ENG: variants seen among roughly 807,000 people sequenced by gnomAD.
The protein encoded by ENG is endoglin.
Under a neutral mutation model 71.0 loss-of-function variants are expected in ENG, and 17 were observed. The ratio of observed to expected loss-of-function variants is 0.24; its 90% confidence interval spans 0.16 to 0.36. The LOEUF (loss-of-function observed/expected upper bound fraction) is 0.36. Among genes scored for constraint, ENG ranks in the 10% least tolerant of loss-of-function variants. The probability of loss-of-function intolerance (pLI) is 1.00; values close to 1 mark genes in which losing one functional copy is unlikely to be tolerated. For synonymous variants in ENG, 360 were observed against 366.9 expected (o/e 0.98, Z 0.21); for missense variants, 749 against 868.3 (o/e 0.86, Z 1.73).
intron 6 of ENG, 47 bp from the exon 7 acceptor site, chr9:127,825,021 G>T (rs1221926135): frequency 1.2e-6 from 2 of 1,601,436 alleles, no homozygotes; most frequent in South Asian, 1.1e-5. Context: ...GACACAGTCT[G>T]TGCCACAGCA....
chr9:127,848,162 C>A (rs1831214875), intron 1 of ENG, among the ~76,000 whole-genome samples: 1 of 152,170 alleles, frequency 6.6e-6, no homozygotes, highest in African/African-American at 2.4e-5. Context: ...GAACTGGTGA[C>A]TACTATCACA....
Position 127,838,442 on chromosome 9 carries a change from T to C in ENG, c.219+4652A>G, listed in dbSNP as rs1830954018. 3.3e-5 allele frequency among the ~76,000 whole-genome samples: 5 copies of C among 151,686 alleles called. No individual in the cohort carries two copies. Among genetic ancestry groups the C allele is most frequent in the Admixed American group, 3.3e-4 (5 of 15,238 alleles). On this transcript the variant is annotated intron_variant, in intron 2 of 14. Transcript: ENST00000373203. This position sits in a 1 kb window ranked among gnomAD's most constrained non-coding sequence, Gnocchi z 4.3. ...CTGCCTTCCATGGCCTCCCACTGCCTCCCAGGACAGTCTGGGGGAGCTAAG... is the reference window on the plus strand; with the variant it reads ...CTGCCTTCCATGGCCTCCCACTGCCCCCCAGGACAGTCTGGGGGAGCTAAG...
chr9:127,852,272 G>C (rs1266790171), intron 1 of ENG, among the ~76,000 whole-genome samples: 2 of 152,206 alleles, frequency 1.3e-5, no homozygotes, highest in Non-Finnish European at 2.9e-5. Flanking sequence ...TGATTTGTGA[G>C]GGTATCAAGT....
Position 127,824,304 on chromosome 9 carries a change from C to T in ENG, c.1134G>A (p.Ala378=), listed in dbSNP as rs1329127701. Residue 378 remains alanine (A), a splice_region_variant and synonymous_variant, in exon 8 of 15, where the codon GCG becomes GCA. Transcript: ENST00000373203. The part of the protein sequence containing the change: ...MTLVLKKELV[A]HLKCTITGLT... The stretch of plus-strand genomic sequence containing the variant: ...GCCAGAGGGGCAGGAGTTCCCTTAC[C>T]GCAACAAGCTCTTTCTTTAGTACCA... The T allele has an allele frequency of 6.2e-7, 1 of 1,613,996 alleles. No homozygotes were observed.
intron 1 of ENG, among the ~76,000 whole-genome samples, chr9:127,848,945 C>T (rs550750586): frequency 6.6e-6 from 1 of 152,160 alleles, no homozygotes; most frequent in Non-Finnish European, 1.5e-5. Context: ...AGTAAACAAC[C>T]TTTTCCACCA....
intron 12 of ENG, among the ~76,000 whole-genome samples, chr9:127,817,524 G>T (rs1194461793): frequency 6.6e-6 from 1 of 152,158 alleles, no homozygotes; most frequent in Non-Finnish European, 1.5e-5. Flanking sequence ...AGAGTCCCAG[G>T]CTCACTCTGG....
intron 13 of ENG, 35 bp from the exon 14 acceptor site, chr9:127,816,088 T>C (rs938795970): frequency 1.3e-5 from 21 of 1,596,790 alleles, no homozygotes; most frequent in Non-Finnish European, 1.7e-5. Flanking sequence ...ACTGCCACTC[T>C]GCCCCTGCCC....
rs554072090 is a variant in ENG at position 127,829,776 on chromosome 9, A to G, written c.271T>C (p.Trp91Arg). The G allele has an allele frequency of 6.2e-7, 1 of 1,614,156 alleles. No individual in the cohort carries two copies. Among genetic ancestry groups the G allele is most frequent in the South Asian group, 1.1e-5 (1 of 91,080 alleles). The change falls in exon 3 of 15, where the codon TGG (tryptophan) becomes CGG (arginine). Residue 91 changes from tryptophan to arginine, a missense_variant. By Grantham distance (101) the Trp-to-Arg change is moderately radical. Transcript: ENST00000373203. The stretch of plus-strand genomic sequence containing the variant: ...AGGACCAGAAGCACCTCTCGGGGCC[A>G]GGTGCCATTTTGCTTGGATGCCTGG... ...TLQASKQNGT[W>R]PREVLLVLSV... is the part of the protein sequence containing the mutation.
chr9:127,834,495 C>G (rs1395871129), intron 2 of ENG, among the ~76,000 whole-genome samples: 3 of 152,212 alleles, frequency 2.0e-5, no homozygotes, highest in Non-Finnish European at 4.4e-5. Context: ...ACCTCCACCT[C>G]CTGGGTTCAA....
In ENG at chr9:127,817,247, G is replaced by A. The variant is rs188450612; in HGVS notation, c.1687-44C>T. 1.6e-5 allele frequency: 25 copies of A among 1,608,444 alleles called. No homozygotes were observed. The Admixed American group carries it at 3.0e-4, about 19-fold the overall frequency. On this transcript the variant is annotated intron_variant, in intron 12 of 14. Coordinates refer to ENST00000373203, the MANE Select transcript of ENG (RefSeq NM_001114753.3). ...GCAGTATGTGGCACCTTTGGGAGGC[G>A]GCTTCCAGGTTTACTCCCTGGCTCC...
In ENG at chr9:127,829,728, G is replaced by A. The variant is rs751531848; in HGVS notation, c.319C>T (p.Leu107=). The change falls in exon 3 of 15, where the codon CTG becomes TTG. Residue 107 remains leucine (L), a synonymous_variant. Transcript: ENST00000373203. The stretch of plus-strand genomic sequence containing the variant: ...GGGATTCCCAGGGCCTGGAGATGCA[G>A]GAAGACACTGCTGTTTACACTGAGG... ...LVLSVNSSVF[L]HLQALGIPLH... The A allele has an allele frequency of 3.1e-6, 5 of 1,614,182 alleles. No individual in the cohort carries two copies. Among genetic ancestry groups the A allele is most frequent in the South Asian group, 1.1e-5 (1 of 91,070 alleles).
At chr9:127,850,148 C>T (rs1448742252) in intron 1 of ENG, among the ~76,000 whole-genome samples, 2 of 152,228 alleles carry the variant, frequency 1.3e-5, no homozygotes, top group South Asian at 2.1e-4. Context: ...CAAGGGTAAA[C>T]AGTTCTTTAG....
chr9:127,818,193 G>C lies in ENG; in HGVS notation c.1613C>G (p.Thr538Arg). Reference sequence around the variant, plus strand: ...GGTGCCGGTTTTGGGTATGGGTACTGTGTAGAAGTGGAGGAGGAAGCTGAA... The same window carrying C: ...GGTGCCGGTTTTGGGTATGGGTACTCTGTAGAAGTGGAGGAGGAAGCTGAA... ...PRFSFLLHFY[T>R]VPIPKTGTLS... Residue 538 changes from threonine (T) to arginine (R), a missense_variant, in exon 12 of 15, where the codon ACA (threonine) becomes AGA (arginine). By Grantham distance (71) the Thr-to-Arg change is moderately conservative (BLOSUM62 -1). Coordinates refer to ENST00000373203, the MANE Select transcript of ENG (RefSeq NM_001114753.3). 3 of 1,614,234 alleles carry C rather than the reference G, an allele frequency of 1.9e-6. No individual in the cohort carries two copies. The South Asian group carries it at 3.3e-5, about 18-fold the overall frequency.
intron 4 of ENG, among the ~76,000 whole-genome samples, 165 bp downstream of exon 4, chr9:127,826,345 G>A (rs1830613968): frequency 6.6e-6 from 1 of 152,216 alleles, no homozygotes. Flanking sequence ...ATTTGGTGGA[G>A]GAGCCATCAC....
At chr9:127,834,197 C>CA (rs1830837795) in intron 2 of ENG, among the ~76,000 whole-genome samples, 1 of 151,958 alleles carries the variant, frequency 6.6e-6, no homozygotes, top group African/African-American at 2.4e-5. Context: ...CTCAGCCTCC[C>CA]AAGTAGCTGG....
In ENG at chr9:127,829,833, G is replaced by A. The variant is rs756342212; in HGVS notation, c.220-6C>T. The A allele has an allele frequency of 5.6e-6, 9 of 1,613,728 alleles. No homozygotes were observed. Among genetic ancestry groups the A allele is most frequent in the Non-Finnish European group, 7.6e-6 (9 of 1,180,026 alleles). On this transcript the variant is annotated splice_region_variant and splice_polypyrimidine_tract_variant and intron_variant, in intron 2 of 14. Transcript: ENST00000373203. ...AGCTCCAGCTGTGACGGGCCCTGGG[G>A]GACACAGAGGAGAGACACACACAGT...
chr9:127,839,239 C>T (rs1830972569), intron 2 of ENG, among the ~76,000 whole-genome samples: 2 of 152,216 alleles, frequency 1.3e-5, no homozygotes, highest in African/African-American at 2.4e-5. Context: ...GATGCCACCT[C>T]TGCCTCCCTG....
At position 127,818,387 on chromosome 9, in the gene ENG, T is replaced by C; in HGVS notation, c.1429-10A>G. The C allele has an allele frequency of 6.2e-7, 1 of 1,612,854 alleles. No homozygotes were observed. The highest frequency in any genetic ancestry group is 8.5e-7 in the Non-Finnish European group (1 of 1,179,966). On this transcript the variant is annotated splice_polypyrimidine_tract_variant and intron_variant, in intron 11 of 14. Transcript: ENST00000373203. ...ATGGGGACACTCTGACCTGCATGGG[T>C]AGGTAGGGCCACGCGGCATGGGCAG... is the stretch of plus-strand genomic sequence containing the variant.
At chr9:127,816,383 C>T (rs1343598748) in intron 13 of ENG, 5 of 433,492 alleles carry the variant, frequency 1.2e-5, no homozygotes, top group African/African-American at 1.0e-4. Flanking sequence ...GCCTGCCCCA[C>T]CTGCTGCATG....
Sources: gnomAD v4.1 joint callset for allele counts (sites outside exome capture counted in the v4.1 genomes callset) on GRCh38, gnomAD v4.1.1 for gene constraint, Gnocchi (gnomAD v3.1) non-coding constraint, MANE v1.5 for transcripts, NCBI Gene and HGNC (gene_info 2026-07-23, HGNC 2026-07-21) for gene names.